The following NCK1 variants were observed in gnomAD, a reference collection of about 807,000 sequenced individuals.
NCK1 encodes SH2/SH3 adapter protein NCK1.
Under a neutral mutation model 36.6 loss-of-function variants are expected in NCK1, and 19 were observed. That is an observed-to-expected ratio of 0.52 (90% CI 0.36 to 0.76). The LOEUF (loss-of-function observed/expected upper bound fraction) is 0.76, where lower values mean the gene tolerates loss of function less well. Ranked by LOEUF, NCK1 falls within the 30% of genes least tolerant of loss-of-function variation. The probability of loss-of-function intolerance (pLI) is 0.00; values close to 1 mark genes in which losing one functional copy is unlikely to be tolerated. For missense variants in NCK1, 358 were observed against 445.6 expected (o/e 0.80, Z 1.77); for synonymous variants, 165 against 156.0 (o/e 1.06, Z -0.43).
At position 136,882,324 on chromosome 3, in the gene NCK1, A is replaced by ATGTC. The variant is rs144165056; in HGVS notation, c.-19+19973_-19+19976dup. 8.1e-3 allele frequency among the ~76,000 whole-genome samples: 1,227 copies of ATGTC among 152,180 alleles called. 7 individuals are homozygous for ATGTC. Among genetic ancestry groups the ATGTC allele is most frequent in the South Asian group, 0.014 (66 of 4,816 alleles). On this transcript the variant is annotated intron_variant, in intron 1 of 3. Transcript: ENST00000481752. ...TGGCTATTTGTATATATTTCGAGAA[A>ATGTC]TGTCTATTTTGTTCGTTTGCCCATT...
intron 1 of NCK1, among the ~76,000 whole-genome samples, chr3:136,888,426 C>T (rs866148373): frequency 2.0e-5 from 3 of 149,878 alleles, no homozygotes; most frequent in Middle Eastern, 3.2e-3. Flanking sequence ...TTTTTTGAGA[C>T]GGAGTCTCGC....
In NCK1 at chr3:136,948,417, A is replaced by C. The variant is rs1366244170; in HGVS notation, c.1098A>C (p.Gln366His). The change falls in exon 4 of 4, where the codon CAA becomes CAC. Residue 366 changes from glutamine to histidine, a missense_variant. Coordinates refer to ENST00000481752, the MANE Select transcript of NCK1 (RefSeq NM_001291999.2). ...AGGCACCAATTTTTACAAGTGAACA[A>C]GGAGAAAAATTATATCTTGTCAAGC... ...YKKAPIFTSE[Q>H]GEKLYLVKHL... 1 of 1,612,784 alleles carries C rather than the reference A, an allele frequency of 6.2e-7. No individual in the cohort carries two copies. The highest frequency in any genetic ancestry group is 1.3e-5 in the African/African-American group (1 of 74,874).
At chr3:136,913,675 T>A (rs548959561) in intron 1 of NCK1, among the ~76,000 whole-genome samples, 1 of 152,156 alleles carries the variant, frequency 6.6e-6, no homozygotes, top group African/African-American at 2.4e-5. Flanking sequence ...GTTTGTTTTG[T>A]TTTGTTTTTT....
intron 1 of NCK1, among the ~76,000 whole-genome samples, chr3:136,863,593 CTG>C (rs1938313158): frequency 6.6e-6 from 1 of 152,302 alleles, no homozygotes; most frequent in Non-Finnish European, 1.5e-5. Context: ...ACCACAAACT[CTG>C]AGACTTCTTT....
At chr3:136,880,424 A>G (rs1012507898) in intron 1 of NCK1, among the ~76,000 whole-genome samples, 1 of 152,080 alleles carries the variant, frequency 6.6e-6, no homozygotes, top group Non-Finnish European at 1.5e-5. Flanking sequence ...TGACACAGAG[A>G]CAGAACACCA....
intron 1 of NCK1, among the ~76,000 whole-genome samples, chr3:136,893,176 GTGTA>G (rs1386571578): frequency 8.8e-5 from 2 of 22,838 alleles, no homozygotes; most frequent in African/African-American, 1.3e-4. Context: ...GTGTGTGTGT[GTGTA>G]TATATATATA....
At chr3:136,874,288 G>A (rs1046717150) in intron 1 of NCK1, among the ~76,000 whole-genome samples, 2 of 152,146 alleles carry the variant, frequency 1.3e-5, no homozygotes, top group Non-Finnish European at 1.5e-5. Flanking sequence ...TGATTGTCCT[G>A]CCTCAGCCTC....
At chr3:136,864,011 G>A (rs1012862264) in intron 1 of NCK1, among the ~76,000 whole-genome samples, 1 of 152,096 alleles carries the variant, frequency 6.6e-6, no homozygotes, top group African/African-American at 2.4e-5. Flanking sequence ...TGAGGCAGGA[G>A]AATGGCGTGA....
At chr3:136,935,402 A>G (rs1457779355) in intron 2 of NCK1, among the ~76,000 whole-genome samples, 1 of 151,868 alleles carries the variant, frequency 6.6e-6, no homozygotes, top group Non-Finnish European at 1.5e-5. Context: ...TGTGCCTCAT[A>G]TCATTATTCA....
chr3:136,897,813 G>GA (rs1240906604), intron 1 of NCK1, among the ~76,000 whole-genome samples: 2 of 152,100 alleles, frequency 1.3e-5, no homozygotes, highest in African/African-American at 4.8e-5. Context: ...AATATGATTT[G>GA]AAAATTTTTT....
intron 1 of NCK1, among the ~76,000 whole-genome samples, chr3:136,895,415 T>C (rs1240032532): frequency 6.6e-6 from 1 of 151,730 alleles, no homozygotes; most frequent in African/African-American, 2.4e-5. Flanking sequence ...TTTAAAAAAT[T>C]GCCATACCAC....
intron 1 of NCK1, among the ~76,000 whole-genome samples, chr3:136,892,394 C>T (rs1325606142): frequency 6.6e-6 from 1 of 152,140 alleles, no homozygotes; most frequent in African/African-American, 2.4e-5. Flanking sequence ...TTTCGGTTGC[C>T]TGTGCTACTG....
chr3:136,871,486 A>G (rs773442253), intron 1 of NCK1, among the ~76,000 whole-genome samples: 6 of 152,230 alleles, frequency 3.9e-5, no homozygotes, highest in Non-Finnish European at 8.8e-5. Context: ...GAATGTTTAT[A>G]TTTGTAGATA....
chr3:136,889,845 G>C (rs1939187701), intron 1 of NCK1, among the ~76,000 whole-genome samples: 1 of 152,226 alleles, frequency 6.6e-6, no homozygotes, highest in Non-Finnish European at 1.5e-5. Context: ...CCTTGAGCTA[G>C]AGACAGAGTG....
At chr3:136,914,366 G>C (rs1339222682) in intron 1 of NCK1, among the ~76,000 whole-genome samples, 1 of 152,158 alleles carries the variant, frequency 6.6e-6, no homozygotes, top group Non-Finnish European at 1.5e-5. Flanking sequence ...CCTTTCCCTG[G>C]AACTTGCAAG....
chr3:136,893,345 TTGCAGGAGTAAGGTGGTAC>T (rs1939306816), intron 1 of NCK1, among the ~76,000 whole-genome samples: 2 of 79,420 alleles, frequency 2.5e-5, no homozygotes, highest in East Asian at 8.0e-4. Flanking sequence ...GTGGCCATTC[TTGCAGGAGTAAGGTGGTAC>T]TGCATTGTGG....
intron 1 of NCK1, among the ~76,000 whole-genome samples, chr3:136,894,777 C>G (rs941993520): frequency 6.6e-6 from 1 of 152,156 alleles, no homozygotes; most frequent in Non-Finnish European, 1.5e-5. Context: ...TAAGTTGTTT[C>G]CTGCATTCTG....
At chr3:136,888,178 C>T (rs560970464) in intron 1 of NCK1, among the ~76,000 whole-genome samples, 3 of 151,938 alleles carry the variant, frequency 2.0e-5, no homozygotes, top group Admixed American at 1.3e-4. Flanking sequence ...CTCCTGACCT[C>T]GTGATCTGCC....
In NCK1 at chr3:136,903,154, G is replaced by C. The variant is rs374486224; in HGVS notation, c.-18-24830G>C. 5.9e-5 allele frequency among the ~76,000 whole-genome samples: 9 copies of C among 152,168 alleles called. No homozygotes were observed. The South Asian group carries it at 1.9e-3, about 32-fold the overall frequency. The stretch of plus-strand genomic sequence containing the variant: ...CAGTGTTGGGTGCCTTATATGTTTG[G>C]AATTGTTAAATCCTCCTCCTGAATT... On this transcript the variant is annotated intron_variant, in intron 1 of 3. Coordinates refer to ENST00000481752, the MANE Select transcript of NCK1 (RefSeq NM_001291999.2).
Sources: gnomAD v4.1 joint callset for allele counts (sites outside exome capture counted in the v4.1 genomes callset) on GRCh38, gnomAD v4.1.1 for gene constraint, MANE v1.5 for transcripts, NCBI Gene and HGNC (gene_info 2026-07-23, HGNC 2026-07-21) for gene names.